The following ZBTB20 variants were observed in gnomAD, a reference collection of about 807,000 sequenced individuals.
The protein encoded by ZBTB20 is zinc finger and BTB domain-containing protein 20.
A neutral mutation model predicts 56.9 loss-of-function variants in ZBTB20; 9 were observed. The ratio of observed to expected loss-of-function variants is 0.16; its 90% CI spans 0.10 to 0.28. The LOEUF (loss-of-function observed/expected upper bound fraction) is 0.28. ZBTB20 is among the 10% of genes least tolerant of loss of function. The pLI, the probability that ZBTB20 is intolerant of heterozygous loss-of-function variation, is 1.00. For synonymous variants in ZBTB20, 417 were observed against 420.7 expected, an observed-to-expected ratio of 0.99 and a Z score of 0.11; for missense variants, 655 against 1,003.0, an observed-to-expected ratio of 0.65 and a Z score of 4.69.
intron 2 of ZBTB20, among the ~76,000 whole-genome samples, chr3:115,011,482 G>A (rs2079706520): frequency 1.3e-5 from 2 of 151,872 alleles, no homozygotes; most frequent in Non-Finnish European, 2.9e-5. Context: ...AACTTTATAG[G>A]CCAGCAGAGA....
intron 3 of ZBTB20, among the ~76,000 whole-genome samples, chr3:114,960,060 C>G (rs144759553): frequency 6.6e-6 from 1 of 152,136 alleles, no homozygotes; most frequent in East Asian, 1.9e-4. Flanking sequence ...GGAAGATACA[C>G]GAAAAGCTTT....
chr3:114,348,540 T>C (rs2080378824), intron 11 of ZBTB20, among the ~76,000 whole-genome samples: 1 of 152,240 alleles, frequency 6.6e-6, no homozygotes, highest in South Asian at 2.1e-4. Context: ...TCTTCATAAA[T>C]TCAGTAGTGA....
chr3:114,390,871 T>C (rs1284958862), intron 7 of ZBTB20, among the ~76,000 whole-genome samples: 3 of 152,244 alleles, frequency 2.0e-5, no homozygotes, highest in Non-Finnish European at 4.4e-5. Context: ...AGTTTAGAAC[T>C]TAATTCATTG....
chr3:114,605,592 A>G (rs2057081221), intron 6 of ZBTB20, among the ~76,000 whole-genome samples: 1 of 152,218 alleles, frequency 6.6e-6, no homozygotes, highest in African/African-American at 2.4e-5. Flanking sequence ...ATTTCAATCT[A>G]GTGGGGAGAA....
intron 1 of ZBTB20, among the ~76,000 whole-genome samples, chr3:115,088,157 T>G (rs535618165): frequency 3.0e-4 from 46 of 151,886 alleles, no homozygotes; most frequent in Non-Finnish European, 5.6e-4. Flanking sequence ...ACTGACCAAA[T>G]TTTCCAATTC....
At chr3:115,096,275 T>C (rs2083377904) in intron 1 of ZBTB20, among the ~76,000 whole-genome samples, 1 of 152,226 alleles carries the variant, frequency 6.6e-6, no homozygotes, top group South Asian at 2.1e-4. Flanking sequence ...CTGATTTCTA[T>C]AATGTCCCTG....
intron 2 of ZBTB20, among the ~76,000 whole-genome samples, chr3:114,996,566 C>T (rs1024849080): frequency 5.9e-5 from 9 of 151,954 alleles, no homozygotes; most frequent in Non-Finnish European, 1.3e-4. Flanking sequence ...CATAGTATTC[C>T]ATGGTGTATA....
intron 3 of ZBTB20, among the ~76,000 whole-genome samples, chr3:114,942,273 T>C (rs1309353219): frequency 1.4e-5 from 2 of 145,976 alleles, no homozygotes; most frequent in Non-Finnish European, 3.0e-5. Context: ...AATGTTATTT[T>C]TGGTGATTTT....
chr3:115,098,261 T>C (rs1560570897), intron 1 of ZBTB20, among the ~76,000 whole-genome samples: 1 of 152,158 alleles, frequency 6.6e-6, no homozygotes, highest in Non-Finnish European at 1.5e-5. Flanking sequence ...AGAGAATGAC[T>C]AATCAAGACA....
intron 7 of ZBTB20, among the ~76,000 whole-genome samples, chr3:114,400,405 T>C (rs943841563): frequency 2.0e-5 from 3 of 152,130 alleles, no homozygotes; most frequent in Admixed American, 1.3e-4. Context: ...GAGTACTGAA[T>C]CAATGTTGTC....
intron 3 of ZBTB20, among the ~76,000 whole-genome samples, chr3:114,954,682 A>G (rs576795108): frequency 5.9e-5 from 9 of 152,298 alleles, no homozygotes; most frequent in Non-Finnish European, 1.2e-4. Context: ...CAATGAGAAC[A>G]CTGAGAATAA....
chr3:115,139,303 C>T (rs1357950738), intron 1 of ZBTB20, among the ~76,000 whole-genome samples: 1 of 151,628 alleles, frequency 6.6e-6, no homozygotes, highest in Non-Finnish European at 1.5e-5. Context: ...TTCATACTAG[C>T]AAAAAGGATG....
intron 2 of ZBTB20, among the ~76,000 whole-genome samples, chr3:114,983,527 A>C (rs1002551335): frequency 2.6e-5 from 4 of 151,830 alleles, no homozygotes; most frequent in Non-Finnish European, 5.9e-5. Flanking sequence ...TAATAGTAAA[A>C]CTCTCAAGTC....
chr3:114,895,433 C>A (rs2074835510), intron 4 of ZBTB20, among the ~76,000 whole-genome samples: 1 of 152,160 alleles, frequency 6.6e-6, no homozygotes, highest in Admixed American at 6.6e-5. Context: ...CTTTCTATTG[C>A]AAGACATACC....
Position 114,327,050 on chromosome 3 carries a change from TTCTG to T in ZBTB20, c.*11951_*11954del, listed in dbSNP as rs1228722434. 2.0e-5 allele frequency: 3 copies of T among 152,176 alleles called. No individual in the cohort carries two copies. Among genetic ancestry groups the T allele is most frequent in the Non-Finnish European group, 4.4e-5 (3 of 68,030 alleles). The allele number at this position is 152,176 out of a possible 1,614,324, so 9.4% of individuals were successfully genotyped here. A position where few individuals can be genotyped will look rare whatever the true frequency, so the allele number is the denominator to read the frequency against. On this transcript the variant is annotated 3_prime_UTR_variant, in exon 12 of 12. Transcript: ENST00000675478. ...TCCTCACGAATATATACTATAGTGT[TTCTG>T]TCTATTATTTTGATGCATTAGTTAC...
intron 2 of ZBTB20, among the ~76,000 whole-genome samples, chr3:115,049,027 T>G (rs2081443028): frequency 6.6e-6 from 1 of 152,100 alleles, no homozygotes. Context: ...ACTTTTTTTT[T>G]AATGCTAAAC....
At chr3:114,964,227 C>A (rs903774685) in intron 3 of ZBTB20, among the ~76,000 whole-genome samples, 1 of 152,032 alleles carries the variant, frequency 6.6e-6, no homozygotes, top group African/African-American at 2.4e-5. Flanking sequence ...CCAGCCTGGT[C>A]AACATGGTGA....
chr3:114,513,543 T>C (rs1479581201), intron 6 of ZBTB20, among the ~76,000 whole-genome samples: 1 of 152,090 alleles, frequency 6.6e-6, no homozygotes, highest in Non-Finnish European at 1.5e-5. Flanking sequence ...GTCAGGTGGT[T>C]AGGGGCTTGG....
intron 7 of ZBTB20, among the ~76,000 whole-genome samples, chr3:114,463,275 G>T (rs1035026683): frequency 6.6e-6 from 1 of 152,188 alleles, no homozygotes; most frequent in Non-Finnish European, 1.5e-5. Context: ...TAGCAGGAGA[G>T]TAAAGATATA....
Sources: gnomAD v4.1 joint callset for allele counts (sites outside exome capture counted in the v4.1 genomes callset) on GRCh38, gnomAD v4.1.1 for gene constraint, MANE v1.5 for transcripts, NCBI Gene and HGNC (gene_info 2026-07-23, HGNC 2026-07-21) for gene names.